Variants in PEX7 observed in about 807,000 individuals in gnomAD.
The protein encoded by PEX7 is peroxisomal biogenesis factor 7, also known as PTS2 receptor.
A neutral mutation model predicts 47.5 loss-of-function variants in PEX7; 34 were observed. The ratio of observed to expected loss-of-function variants is 0.72; its 90% CI spans 0.54 to 0.95. The LOEUF (loss-of-function observed/expected upper bound fraction) is 0.95. Ranked by LOEUF, PEX7 falls within the 40% of genes least tolerant of loss-of-function variation. The pLI is 0.00. For synonymous variants in PEX7, 141 were observed against 148.8 expected (o/e 0.95, Z 0.38); for missense variants, 394 against 400.3 (o/e 0.98, Z 0.13).
At chr6:136,842,063 A>G (rs1774510835) in intron 3 of PEX7, among the ~76,000 whole-genome samples, 1 of 151,440 alleles carries the variant, frequency 6.6e-6, no homozygotes, top group African/African-American at 2.4e-5. Context: ...CAGTGGCACA[A>G]TCTTGGCTCA....
intron 8 of PEX7, among the ~76,000 whole-genome samples, chr6:136,897,406 A>C (rs1775670551): frequency 6.6e-6 from 1 of 152,272 alleles, no homozygotes; most frequent in Non-Finnish European, 1.5e-5. Flanking sequence ...TTATGTATTG[A>C]AAACAGGGCC....
At chr6:136,840,729 A>G (rs1774481384) in intron 3 of PEX7, among the ~76,000 whole-genome samples, 1 of 152,206 alleles carries the variant, frequency 6.6e-6, no homozygotes. Context: ...TCTTAGCCAT[A>G]GCCCTTTAGG....
At chr6:136,837,086 T>C (rs1017358413) in intron 3 of PEX7, among the ~76,000 whole-genome samples, 2 of 151,902 alleles carry the variant, frequency 1.3e-5, no homozygotes, top group Admixed American at 1.3e-4. Flanking sequence ...CTGAAAGTTT[T>C]AGCCGCGCTT....
intron 8 of PEX7, among the ~76,000 whole-genome samples, chr6:136,897,142 T>G (rs1490279746): frequency 6.6e-6 from 1 of 152,228 alleles, no homozygotes; most frequent in African/African-American, 2.4e-5. Flanking sequence ...TTTTCAAAAC[T>G]TAATAGGGCC....
At chr6:136,893,033 G>C (rs929079785) in intron 8 of PEX7, among the ~76,000 whole-genome samples, 1 of 152,078 alleles carries the variant, frequency 6.6e-6, no homozygotes, top group Non-Finnish European at 1.5e-5. Flanking sequence ...TAACAGTAGG[G>C]GAACCTGGCT....
intron 8 of PEX7, among the ~76,000 whole-genome samples, chr6:136,880,842 T>G (rs2115245762): frequency 6.6e-6 from 1 of 152,338 alleles, no homozygotes; most frequent in Non-Finnish European, 1.5e-5. Context: ...TTGGTTTTCT[T>G]GATTCATTCA....
chr6:136,881,015 A>C (rs550317185), intron 8 of PEX7, among the ~76,000 whole-genome samples: 2 of 152,350 alleles, frequency 1.3e-5, no homozygotes, highest in African/African-American at 4.8e-5. Context: ...GCAACACAAC[A>C]GAAAGGAAGA....
rs533444865 is a variant in PEX7, at chr6:136,823,063, C to A, written c.130+268C>A. 10 of 985,432 alleles carry A rather than the reference C, an allele frequency of 1.0e-5. No homozygotes were observed. In the East Asian group the frequency reaches 1.1e-3, roughly 112 times the overall value. The allele number at this position is 985,432 out of a possible 1,614,324, so 61.0% of individuals were successfully genotyped here. ...CCCGTGTCCTTGTTCCTTGAGACCG[C>A]GCTGCCTCCGCCACGTGTCACACGC... On this transcript the variant is annotated intron_variant, in intron 1 of 9. Transcript: ENST00000318471.
At chr6:136,875,933 G>A (rs1262051317) in intron 8 of PEX7, among the ~76,000 whole-genome samples, 1 of 151,924 alleles carries the variant, frequency 6.6e-6, no homozygotes, top group Non-Finnish European at 1.5e-5. Flanking sequence ...GTTATGCCTT[G>A]TCTCATATCA....
intron 3 of PEX7, among the ~76,000 whole-genome samples, chr6:136,834,315 C>T (rs969450508): frequency 6.6e-6 from 1 of 152,210 alleles, no homozygotes; most frequent in Admixed American, 6.5e-5. Flanking sequence ...CTCCTGAGCT[C>T]GAGCAATCCT....
rs575397661 is a variant in PEX7, at chr6:136,898,554, C to T, written c.903+313C>T. 3.4e-4 allele frequency among the ~76,000 whole-genome samples: 51 copies of T among 152,236 alleles called. No individual in the cohort carries two copies. The East Asian group carries it at 7.1e-3, about 21-fold the overall frequency. On this transcript the variant is annotated intron_variant, in intron 9 of 9. Coordinates refer to ENST00000318471, the MANE Select transcript of PEX7 (RefSeq NM_000288.4). ...ATGGAATATGGCAGGATTGTCGCCA[C>T]GGGTTGGCAGGAGTCAGGAGCATGT...
At chr6:136,879,453 A>T (rs980168051) in intron 8 of PEX7, among the ~76,000 whole-genome samples, 1 of 152,034 alleles carries the variant, frequency 6.6e-6, no homozygotes, top group African/African-American at 2.4e-5. Context: ...CTATGTTTTT[A>T]TCTTGCTTTC....
intron 3 of PEX7, among the ~76,000 whole-genome samples, chr6:136,840,793 G>A (rs1179127567): frequency 6.6e-6 from 1 of 152,094 alleles, no homozygotes; most frequent in Non-Finnish European, 1.5e-5. Context: ...TGGCAAGCTT[G>A]TTCCCTGTTA....
intron 3 of PEX7, among the ~76,000 whole-genome samples, chr6:136,844,865 T>C (rs1318283304): frequency 6.6e-6 from 1 of 152,202 alleles, no homozygotes; most frequent in African/African-American, 2.4e-5. Context: ...CCTACGTATA[T>C]GTGGGAGAGA....
Position 136,835,124 on chromosome 6 carries a change from C to T in PEX7, c.339+8655C>T, listed in dbSNP as rs1263232224. 2.6e-5 allele frequency among the ~76,000 whole-genome samples: 4 copies of T among 152,034 alleles called. No individual in the cohort carries two copies. The South Asian group carries it at 6.2e-4, about 24-fold the overall frequency. On this transcript the variant is annotated intron_variant, in intron 3 of 9. Transcript: ENST00000318471. ...ATTTTTAGTAGAGATGGGGTTTCAA[C>T]GTGTTGGTCAGGCTGGTCTTGAACT...
chr6:136,854,615 T>G (rs1203170746), intron 5 of PEX7, among the ~76,000 whole-genome samples: 1 of 152,234 alleles, frequency 6.6e-6, no homozygotes, highest in African/African-American at 2.4e-5. Flanking sequence ...TGGTGAAAGA[T>G]TCTACCACAG....
intron 3 of PEX7, among the ~76,000 whole-genome samples, chr6:136,839,389 A>G (rs967689755): frequency 2.6e-5 from 4 of 152,214 alleles, no homozygotes; most frequent in South Asian, 4.1e-4. Context: ...TAGATTAAAT[A>G]TGAGCTCTTT....
intron 5 of PEX7, among the ~76,000 whole-genome samples, chr6:136,853,393 T>A (rs928689889): frequency 6.6e-6 from 1 of 152,088 alleles, no homozygotes; most frequent in Non-Finnish European, 1.5e-5. Context: ...GAGGAGGAGG[T>A]GGTGCTCCTA....
chr6:136,833,460 T>G lies in PEX7; in HGVS notation c.339+6991T>G, dbSNP rs115597778. On this transcript the variant is annotated intron_variant, in intron 3 of 9. Transcript: ENST00000318471. ...TGCATTTAAAACTAGTGTGTTTTCTTCAGAAATGCATTTATGTTTAAGACT... is the reference window on the plus strand; with the variant it reads ...TGCATTTAAAACTAGTGTGTTTTCTGCAGAAATGCATTTATGTTTAAGACT... 9.2e-3 allele frequency among the ~76,000 whole-genome samples: 1,396 copies of G among 152,352 alleles called. 24 individuals are homozygous for G. The highest frequency in any genetic ancestry group is 0.03 in the African/African-American group (1,267 of 41,584).
Sources: gnomAD v4.1 joint callset for allele counts (sites outside exome capture counted in the v4.1 genomes callset) on GRCh38, gnomAD v4.1.1 for gene constraint, MANE v1.5 for transcripts, NCBI Gene and HGNC (gene_info 2026-07-23, HGNC 2026-07-21) for gene names.